Variants in SNX8 observed in about 807,000 individuals in gnomAD.
The protein encoded by SNX8 is sorting nexin 8, also known as sorting nexin-8.
A neutral mutation model predicts 51.6 loss-of-function variants in SNX8; 25 were observed. The observed-to-expected ratio is 0.48, with a 90% confidence interval of 0.35 to 0.68. SNX8 has a LOEUF of 0.68. Ranked by LOEUF, SNX8 falls within the 30% of genes least tolerant of loss-of-function variation. The pLI is 0.00. For synonymous variants in SNX8, 324 were observed against 277.0 expected (o/e 1.17, Z -1.68); for missense variants, 695 against 624.0 (o/e 1.11, Z -1.21).
chr7:2,346,942 G>GA (rs1475143403), intron 1 of SNX8, among the ~76,000 whole-genome samples: 31 of 141,590 alleles, frequency 2.2e-4, no homozygotes, highest in Middle Eastern at 3.7e-3. Flanking sequence ...AAAAAAAAAA[G>GA]AAAAAAGGAA....
chr7:2,323,395 G>C (rs1778570677), intron 1 of SNX8, among the ~76,000 whole-genome samples: 1 of 150,884 alleles, frequency 6.6e-6, no homozygotes, highest in Non-Finnish European at 1.5e-5. Context: ...GCATTGTTTA[G>C]CGTATCTTAG....
chr7:2,296,568 A>G (rs1796276516), intron 1 of SNX8, among the ~76,000 whole-genome samples: 2 of 151,890 alleles, frequency 1.3e-5, no homozygotes, highest in African/African-American at 4.9e-5. Flanking sequence ...GATGCACTTT[A>G]TTTCTCTTGC....
Position 2,314,379 on chromosome 7 carries a change from C to A in SNX8, c.43G>T (p.Gly15Trp). The change falls in exon 1 of 11, where the codon GGG becomes TGG. Residue 15 changes from glycine to tryptophan, a missense_variant. Transcript: ENST00000222990. ...AMDPLPAAAVGAAAEAEADEE... is the reference protein window; with the variant it reads ...AMDPLPAAAVWAAAEAEADEE... ...TCAGCCTCCGCCTCAGCTGCCGCCC[C>A]GACTGCAGCCGCGGGCAGCGGGTCC... The A allele has an allele frequency of 8.2e-7, 1 of 1,222,434 alleles. No homozygotes were observed. The highest frequency in any genetic ancestry group is 1.0e-6 in the Non-Finnish European group (1 of 981,554). 75.7% of individuals were successfully genotyped at this position (1,222,434 alleles called of 1,614,324 possible).
At chr7:2,317,458 G>C (rs954952783), upstream of SNX8, among the ~76,000 whole-genome samples, 1 of 150,898 alleles carries the variant, frequency 6.6e-6, no homozygotes, top group South Asian at 2.1e-4. Flanking sequence ...TTGTATTTTT[G>C]TAGAGATGGG....
intron 1 of SNX8, among the ~76,000 whole-genome samples, chr7:2,345,340 G>A (rs1176717407): frequency 6.6e-6 from 1 of 152,124 alleles, no homozygotes; most frequent in Non-Finnish European, 1.5e-5. Flanking sequence ...AGTGCAGCAC[G>A]TCCATTTAAA....
chr7:2,328,567 C>T (rs1778670111), intron 1 of SNX8, among the ~76,000 whole-genome samples: 1 of 152,030 alleles, frequency 6.6e-6, no homozygotes, highest in African/African-American at 2.4e-5. Flanking sequence ...AATCCCAGCA[C>T]TTTAGGAGGC....
chr7:2,267,678 G>A (rs2115110760), intron 5 of SNX8, among the ~76,000 whole-genome samples: 1 of 149,402 alleles, frequency 6.7e-6, no homozygotes, highest in Admixed American at 6.7e-5. Context: ...ACACCTCCCA[G>A]CCGCCTGCCT....
At chr7:2,292,838 G>C (rs1037726806) in intron 1 of SNX8, among the ~76,000 whole-genome samples, 1 of 151,964 alleles carries the variant, frequency 6.6e-6, no homozygotes, top group Non-Finnish European at 1.5e-5. Flanking sequence ...TGGGCAACGC[G>C]GCAAGATCCT....
intron 1 of SNX8, among the ~76,000 whole-genome samples, chr7:2,334,977 C>G (rs753464706): frequency 2.0e-5 from 3 of 151,324 alleles, no homozygotes; most frequent in Non-Finnish European, 4.4e-5. Flanking sequence ...GGATGGATGA[C>G]CTGACGTCAG....
intron 1 of SNX8, among the ~76,000 whole-genome samples, chr7:2,321,345 C>T (rs957529931): frequency 6.6e-6 from 1 of 152,130 alleles, no homozygotes; most frequent in African/African-American, 2.4e-5. Context: ...GAATGTGCAC[C>T]GACACGTCTG....
intron 1 of SNX8, among the ~76,000 whole-genome samples, chr7:2,323,071 T>G (rs1460467211): frequency 6.6e-6 from 1 of 152,112 alleles, no homozygotes; most frequent in African/African-American, 2.4e-5. Flanking sequence ...GGCTTACACC[T>G]GTAATCCCAG....
chr7:2,256,942 C>CGCAG lies in SNX8; in HGVS notation c.1215_1216insCTGC (p.Val406LeufsTer86), dbSNP rs1562419127. The CGCAG allele has an allele frequency of 1.9e-6, 3 of 1,613,660 alleles. No homozygotes were observed. ...ATGTGGGAGGTGAGGGGCAGGTAGA[C>CGCAG]GTGGATGAGCTGCGTCTCCTGGTGC... is the stretch of plus-strand genomic sequence containing the variant. On this transcript the variant is annotated frameshift_variant, in exon 10 of 11. Transcript: ENST00000222990. LOFTEE classifies it high-confidence loss of function.
chr7:2,266,034 T>G (rs1300755266), intron 5 of SNX8, among the ~76,000 whole-genome samples: 1 of 152,202 alleles, frequency 6.6e-6, no homozygotes, highest in Non-Finnish European at 1.5e-5. Flanking sequence ...GGAGAATTGC[T>G]TGAACTCAGG....
intron 1 of SNX8, among the ~76,000 whole-genome samples, chr7:2,308,608 G>C (rs1231575215): frequency 6.9e-6 from 1 of 145,482 alleles, no homozygotes; most frequent in African/African-American, 2.5e-5. Flanking sequence ...GGAGGTTGCA[G>C]TGAGGCTAGA....
At chr7:2,296,153 G>C (rs1796268856) in intron 1 of SNX8, among the ~76,000 whole-genome samples, 1 of 152,126 alleles carries the variant, frequency 6.6e-6, no homozygotes, top group South Asian at 2.1e-4. Flanking sequence ...TGACTCTGTA[G>C]ATTGCTTTTG....
At chr7:2,319,640 C>A (rs1224852993) in intron 1 of SNX8, among the ~76,000 whole-genome samples, 1 of 152,172 alleles carries the variant, frequency 6.6e-6, no homozygotes, top group Admixed American at 6.5e-5. Flanking sequence ...ACGGTGAAAC[C>A]CCGTCTCTAC....
chr7:2,342,662 A>C (rs1778954308), intron 1 of SNX8, among the ~76,000 whole-genome samples: 1 of 151,934 alleles, frequency 6.6e-6, no homozygotes, highest in Non-Finnish European at 1.5e-5. Context: ...TCCCAAAAAA[A>C]AAAAAAGGAT....
chr7:2,352,373 T>G (rs996119527), intron 1 of SNX8, among the ~76,000 whole-genome samples: 3 of 152,000 alleles, frequency 2.0e-5, no homozygotes, highest in Non-Finnish European at 4.4e-5. Context: ...TATGGTCAAT[T>G]AGGTTGGAAA....
rs189826301 is a variant in SNX8, at chr7:2,298,758, C to G, written c.94+15570G>C. Among the ~76,000 whole-genome samples the G allele has an allele frequency of 5.8e-4, 88 of 152,040 alleles. 1 individual carries two copies. The highest frequency in any genetic ancestry group is 2.0e-3 in the African/African-American group (83 of 41,364). ...CCAGCCTGGAGTGCAGTGGCACGATCTCAGCTCACTGCAACCTCCACCTCC... is the reference window on the plus strand; with the variant it reads ...CCAGCCTGGAGTGCAGTGGCACGATGTCAGCTCACTGCAACCTCCACCTCC... On this transcript the variant is annotated intron_variant, in intron 1 of 10. Transcript: ENST00000222990.
Sources: allele counts gnomAD v4.1 joint callset (sites outside exome capture counted in the v4.1 genomes callset), GRCh38; gene constraint gnomAD v4.1.1; transcripts MANE v1.5; gene names NCBI Gene and HGNC (gene_info 2026-07-23, HGNC 2026-07-21).